Variants in STK38L observed in about 807,000 individuals in gnomAD.
The protein encoded by STK38L is serine/threonine kinase 38 like.
Under a neutral mutation model 59.7 loss-of-function variants are expected in STK38L, and 28 were observed. That is an observed-to-expected ratio of 0.47 (90% CI 0.35 to 0.64). The LOEUF is 0.64. STK38L is among the 30% of genes least tolerant of loss of function. The pLI is 0.01. For synonymous variants in STK38L, 162 were observed against 176.8 expected, an observed-to-expected ratio of 0.92 and a Z score of 0.66; for missense variants, 314 against 555.8, an observed-to-expected ratio of 0.56 and a Z score of 4.37.
At chr12:27,302,509 A>G (rs12826525) in intron 3 of STK38L, 18,518 of 182,844 alleles carry the variant, frequency 0.1, 981 homozygotes, top group African/African-American at 0.12. Flanking sequence ...AAAGCTATCT[A>G]TTTCTCTAGT....
chr12:27,275,526 G>A (rs1943516269), intron 1 of STK38L, among the ~76,000 whole-genome samples: 1 of 151,696 alleles, frequency 6.6e-6, no homozygotes, highest in African/African-American at 2.4e-5. Context: ...TTTAAGTAGA[G>A]ATGGGTTTCA....
At chr12:27,304,930 T>C (rs12818632) in intron 3 of STK38L, among the ~76,000 whole-genome samples, 4 of 152,222 alleles carry the variant, frequency 2.6e-5, no homozygotes, top group Admixed American at 2.6e-4. Flanking sequence ...TTAATATTTT[T>C]CCTTTTTAAA....
At chr12:27,305,979 A>AT (rs912368456) in intron 3 of STK38L, among the ~76,000 whole-genome samples, 126 of 150,212 alleles carry the variant, frequency 8.4e-4, no homozygotes, top group East Asian at 8.1e-3. Flanking sequence ...TTTTTCACCA[A>AT]TTTTTTTTTT....
chr12:27,306,685 G>A (rs1944320968), intron 3 of STK38L, among the ~76,000 whole-genome samples: 1 of 141,036 alleles, frequency 7.1e-6, no homozygotes. Flanking sequence ...GCAGGAATTT[G>A]CCAGTGTTGG....
chr12:27,320,327 C>G (rs1944693526), intron 12 of STK38L, among the ~76,000 whole-genome samples: 2 of 151,982 alleles, frequency 1.3e-5, no homozygotes, highest in Admixed American at 6.6e-5. Context: ...AGTGCTGTGG[C>G]ATGATCATGG....
chr12:27,273,983 G>A (rs535748797), intron 1 of STK38L, among the ~76,000 whole-genome samples: 65 of 152,018 alleles, frequency 4.3e-4, no homozygotes, highest in African/African-American at 1.2e-3. Flanking sequence ...GGCCGGGTGC[G>A]GTGGTTCACG....
chr12:27,246,119 C>CT (rs1170408581), intron 1 of STK38L, among the ~76,000 whole-genome samples: 14 of 152,286 alleles, frequency 9.2e-5, no homozygotes, highest in African/African-American at 3.1e-4. Context: ...ATGCTGAAAA[C>CT]TTGATTTCTA....
intron 1 of STK38L, among the ~76,000 whole-genome samples, chr12:27,283,610 G>A (rs944640731): frequency 8.5e-5 from 13 of 152,188 alleles, no homozygotes; most frequent in African/African-American, 3.1e-4. Flanking sequence ...ATTATGGGAG[G>A]TAGGATTGTG....
At chr12:27,251,160 G>A (rs1191671699) in intron 1 of STK38L, among the ~76,000 whole-genome samples, 1 of 151,200 alleles carries the variant, frequency 6.6e-6, no homozygotes, top group Admixed American at 6.6e-5. Context: ...TCCTTTTTTG[G>A]TAATTTCCCC....
intron 5 of STK38L, 114 bp downstream of exon 5, chr12:27,309,311 A>G (rs1944404321): frequency 1.1e-5 from 6 of 565,542 alleles, no homozygotes; most frequent in Non-Finnish European, 1.6e-5. Flanking sequence ...ATAAGCTATT[A>G]ATTTTTTGGT....
At position 27,323,251 on chromosome 12, in the gene STK38L, TTC is replaced by T. The variant is rs1944772097; in HGVS notation, c.*798_*799del. The stretch of plus-strand genomic sequence containing the variant: ...GTTGATTTTCTTGTGACAAGAGAAC[TTC>T]TTTTTTTAACAAGAGGACATGGCAT... On this transcript the variant is annotated 3_prime_UTR_variant, in exon 14 of 14. Coordinates refer to ENST00000389032, the MANE Select transcript of STK38L (RefSeq NM_015000.4). 6.6e-6 allele frequency: 1 copy of T among 152,154 alleles called. No homozygotes were observed. Among genetic ancestry groups the T allele is most frequent in the African/African-American group, 2.4e-5 (1 of 41,458 alleles). 9.4% of individuals were successfully genotyped at this position (152,154 alleles called of 1,614,324 possible). A position where few individuals can be genotyped will look rare whatever the true frequency, so the allele number is the denominator to read the frequency against.
chr12:27,249,629 C>T (rs766827690), intron 1 of STK38L, among the ~76,000 whole-genome samples: 2 of 152,232 alleles, frequency 1.3e-5, no homozygotes, highest in Middle Eastern at 3.2e-3. Flanking sequence ...TGAGCCACTG[C>T]GCCTGGCCTA....
At chr12:27,283,682 T>G (rs1038716548) in intron 1 of STK38L, among the ~76,000 whole-genome samples, 1 of 152,220 alleles carries the variant, frequency 6.6e-6, no homozygotes, top group Non-Finnish European at 1.5e-5. Flanking sequence ...ACATGAAACA[T>G]TTTATTTTTA....
intron 1 of STK38L, among the ~76,000 whole-genome samples, chr12:27,255,436 AG>A (rs1447541829): frequency 6.6e-6 from 1 of 152,222 alleles, no homozygotes; most frequent in African/African-American, 2.4e-5. Flanking sequence ...AAAATACTTA[AG>A]ATTTTAGCTT....
chr12:27,245,015 G>A (rs117664541), intron 1 of STK38L, among the ~76,000 whole-genome samples: 3,606 of 152,216 alleles, frequency 0.024, 67 homozygotes, highest in Non-Finnish European at 0.036. Flanking sequence ...GATTGAGTAG[G>A]GCACGTTTCA....
chr12:27,269,808 G>A (rs7309564), intron 1 of STK38L, among the ~76,000 whole-genome samples: 129,740 of 152,024 alleles, frequency 0.85, 55,551 homozygotes, highest in Non-Finnish European at 0.89. Flanking sequence ...ATGCCCGGCT[G>A]ATTTTTGTAT....
chr12:27,256,819 G>C (rs941859036), intron 1 of STK38L, among the ~76,000 whole-genome samples: 1 of 152,066 alleles, frequency 6.6e-6, no homozygotes, highest in Non-Finnish European at 1.5e-5. Context: ...TATCTTCATT[G>C]AATTTGTTCA....
intron 9 of STK38L, among the ~76,000 whole-genome samples, chr12:27,316,003 GGATTTTCTTTTTCTCATT>G (rs1944576901): frequency 6.6e-6 from 1 of 152,140 alleles, no homozygotes; most frequent in Non-Finnish European, 1.5e-5. Flanking sequence ...ATGTGCCTTA[GGATTTTCTTTTTCTCATT>G]TCTTATAAAA....
chr12:27,318,819 G>A (rs1230429865), intron 11 of STK38L, among the ~76,000 whole-genome samples: 4 of 152,056 alleles, frequency 2.6e-5, no homozygotes, highest in Admixed American at 6.6e-5. Flanking sequence ...GTGAAACCCC[G>A]TCTCTACTAA....
Sources: gnomAD v4.1 joint callset for allele counts (sites outside exome capture counted in the v4.1 genomes callset) on GRCh38, gnomAD v4.1.1 for gene constraint, MANE v1.5 for transcripts, NCBI Gene and HGNC (gene_info 2026-07-23, HGNC 2026-07-21) for gene names.